The following CDH2 variants were observed in gnomAD, a reference collection of about 807,000 sequenced individuals.
CDH2 encodes cadherin-2.
Under a neutral mutation model 92.0 loss-of-function variants are expected in CDH2, and 17 were observed. That is an observed-to-expected ratio of 0.18 (90% CI 0.13 to 0.28). CDH2 has a LOEUF of 0.28. CDH2 is among the 10% of genes least tolerant of loss of function. CDH2 has a pLI of 1.00. For missense variants in CDH2, 862 were observed against 1,133.1 expected (o/e 0.76, Z 3.44); for synonymous variants, 419 against 415.9 (o/e 1.01, Z -0.09).
intron 13 of CDH2, 100 bp from the exon 14 acceptor site, chr18:27,983,183 T>A (rs996129383): frequency 1.2e-6 from 1 of 827,512 alleles, no homozygotes; most frequent in Non-Finnish European, 1.8e-6. Context: ...TTATATGAAC[T>A]GAAGGCCTGA....
intron 2 of CDH2, among the ~76,000 whole-genome samples, chr18:28,029,800 C>A (rs1351402089): frequency 6.6e-6 from 1 of 151,990 alleles, no homozygotes; most frequent in South Asian, 2.1e-4. Context: ...CACACAGACC[C>A]CTCCCAAATG....
At position 28,142,446 on chromosome 18, in the gene CDH2, A is replaced by T. The variant is rs527822488; in HGVS notation, c.172+5227T>A. Among the ~76,000 whole-genome samples the T allele has an allele frequency of 1.1e-4, 16 of 151,998 alleles. No individual in the cohort carries two copies. The East Asian group carries it at 3.1e-3, about 29-fold the overall frequency. The stretch of plus-strand genomic sequence containing the variant: ...GAAAGGGATATAAAAAATTCCAAGT[A>T]TTAAATAAGCCTAAATGATTGCTAT... On this transcript the variant is annotated intron_variant, in intron 2 of 15. Transcript: ENST00000269141.
intron 15 of CDH2, among the ~76,000 whole-genome samples, chr18:27,953,962 C>G (rs1173915232): frequency 5.3e-5 from 8 of 152,126 alleles, no homozygotes; most frequent in Non-Finnish European, 1.5e-5. Context: ...AAAATGGCAG[C>G]TGCTTGACTC....
At chr18:28,139,624 T>C (rs1029845650) in intron 2 of CDH2, among the ~76,000 whole-genome samples, 3 of 151,920 alleles carry the variant, frequency 2.0e-5, no homozygotes, top group African/African-American at 7.2e-5. Context: ...TGATCACTCC[T>C]TTCCTTTGAA....
At chr18:27,941,035 T>C (rs1909125049) in intron 6 of CDH2, among the ~76,000 whole-genome samples, 1 of 121,524 alleles carries the variant, frequency 8.2e-6, no homozygotes, top group South Asian at 3.5e-4. Flanking sequence ...AGTAGCACCT[T>C]TTTTTTTTTT....
rs17522513 is a variant in CDH2, at chr18:28,008,511, T to C, written c.702+1206A>G. Reference sequence around the variant, plus strand: ...ATCTATTGAAGTTTAAAAACTTCAATAATTGTTCTCATTCATAGGTGGGAA... The same window carrying C: ...ATCTATTGAAGTTTAAAAACTTCAACAATTGTTCTCATTCATAGGTGGGAA... On this transcript the variant is annotated intron_variant, in intron 5 of 15. Transcript: ENST00000269141. Among the ~76,000 whole-genome samples, 29 of 152,272 alleles carry C rather than the reference T, an allele frequency of 1.9e-4. 1 individual carries two copies. Among genetic ancestry groups the C allele is most frequent in the African/African-American group, 6.7e-4 (28 of 41,552 alleles).
chr18:28,158,496 G>C (rs1316104687), intron 1 of CDH2, among the ~76,000 whole-genome samples: 4 of 152,164 alleles, frequency 2.6e-5, no homozygotes, highest in African/African-American at 9.7e-5. Context: ...GTAACCCATA[G>C]AGGAAATGCT....
At chr18:28,079,871 A>T (rs1051852664) in intron 2 of CDH2, among the ~76,000 whole-genome samples, 16 of 152,314 alleles carry the variant, frequency 1.1e-4, no homozygotes, top group African/African-American at 3.1e-4. Context: ...TGATTTTTTT[A>T]GAAATGGCCC....
At chr18:28,175,310 C>T (rs1319954048) in intron 1 of CDH2, among the ~76,000 whole-genome samples, 1 of 152,140 alleles carries the variant, frequency 6.6e-6, no homozygotes, top group Non-Finnish European at 1.5e-5. Context: ...AGGAGAGAGC[C>T]GAGTGGCGGA....
chr18:27,997,899 C>T (rs562672572), intron 7 of CDH2, among the ~76,000 whole-genome samples: 9 of 152,140 alleles, frequency 5.9e-5, no homozygotes, highest in Admixed American at 1.3e-4. Context: ...CTCTGCCTCC[C>T]GGGTTCACGC....
In CDH2 at chr18:28,147,797, A is replaced by G. The variant is rs745694478; in HGVS notation, c.61-13T>C. The G allele has an allele frequency of 1.0e-4, 40 of 384,578 alleles. No individual in the cohort carries two copies. The highest frequency in any genetic ancestry group is 1.3e-4 in the Non-Finnish European group (35 of 265,990). The allele number at this position is 384,578 out of a possible 1,614,324, so 23.8% of individuals were successfully genotyped here. A position where few individuals can be genotyped will look rare whatever the true frequency, so the allele number is the denominator to read the frequency against. ...CCTCTACAGACGCCTGCAACACAAG[A>G]AAAAAAAAAAAAATGTGTGCAATGA... is the stretch of plus-strand genomic sequence containing the variant. On this transcript the variant is annotated splice_polypyrimidine_tract_variant and intron_variant, in intron 1 of 15. Coordinates refer to ENST00000269141, the MANE Select transcript of CDH2 (RefSeq NM_001792.5).
chr18:28,102,437 T>A (rs1409517284), intron 2 of CDH2, among the ~76,000 whole-genome samples: 3 of 152,086 alleles, frequency 2.0e-5, no homozygotes, highest in Non-Finnish European at 2.9e-5. Flanking sequence ...GCAATCCTTA[T>A]CCATATCCTT....
At chr18:28,144,635 T>C (rs1422211627) in intron 2 of CDH2, among the ~76,000 whole-genome samples, 6 of 151,980 alleles carry the variant, frequency 3.9e-5, no homozygotes, top group Non-Finnish European at 7.4e-5. Flanking sequence ...AGAGGAAAAT[T>C]AGAAACAACC....
intron 2 of CDH2, among the ~76,000 whole-genome samples, chr18:28,117,192 G>A (rs927296978): frequency 5.9e-5 from 9 of 152,208 alleles, no homozygotes; most frequent in Admixed American, 3.3e-4. Flanking sequence ...TCACATACTT[G>A]TAAAAAAACA....
chr18:28,151,326 A>G (rs1310911549), intron 1 of CDH2, among the ~76,000 whole-genome samples: 1 of 152,228 alleles, frequency 6.6e-6, no homozygotes. Context: ...AGGGGGTGCT[A>G]CTGGCTACTA....
chr18:28,051,987 T>C (rs1472356524), intron 2 of CDH2, among the ~76,000 whole-genome samples: 1 of 152,184 alleles, frequency 6.6e-6, no homozygotes, highest in Non-Finnish European at 1.5e-5. Flanking sequence ...ATAAGTACTT[T>C]ACAGCAAATA....
chr18:27,936,726 G>T (rs779876626), intron 6 of CDH2, among the ~76,000 whole-genome samples: 1 of 151,970 alleles, frequency 6.6e-6, no homozygotes, highest in Non-Finnish European at 1.5e-5. Context: ...GTAGAGATGG[G>T]GTCCCACTGT....
chr18:28,091,474 G>GAA (rs879608924), intron 2 of CDH2, among the ~76,000 whole-genome samples: 1 of 150,104 alleles, frequency 6.7e-6, no homozygotes, highest in African/African-American at 2.4e-5. Flanking sequence ...AAAGTAGTGG[G>GAA]AAAAAAAAAC....
intron 2 of CDH2, among the ~76,000 whole-genome samples, chr18:28,133,460 C>A (rs980376116): frequency 2.0e-5 from 3 of 151,032 alleles, no homozygotes; most frequent in Non-Finnish European, 4.4e-5. Context: ...TGGGTGCCTG[C>A]GGTCCCAGCT....
Sources: allele counts gnomAD v4.1 joint callset (sites outside exome capture counted in the v4.1 genomes callset), GRCh38; gene constraint gnomAD v4.1.1; transcripts MANE v1.5; gene names NCBI Gene and HGNC (gene_info 2026-07-23, HGNC 2026-07-21).